The following VTI1A variants were observed in gnomAD, a reference collection of about 807,000 sequenced individuals.
VTI1A encodes the protein vesicle transport through interaction with t-SNAREs 1A, also known as vesicle transport through interaction with t-SNAREs homolog 1A.
Under a neutral mutation model 34.9 loss-of-function variants are expected in VTI1A, and 22 were observed. That is an observed-to-expected ratio of 0.63 (90% CI 0.45 to 0.90). The LOEUF is 0.90. VTI1A is among the 40% of genes least tolerant of loss of function. The pLI, the probability that VTI1A is intolerant of heterozygous loss-of-function variation, is 0.00. For missense variants in VTI1A, 268 were observed against 275.6 expected (o/e 0.97, Z 0.20); for synonymous variants, 87 against 97.3 (o/e 0.89, Z 0.62).
At chr10:112,725,750 A>G (rs1395368919) in intron 7 of VTI1A, among the ~76,000 whole-genome samples, 1 of 152,238 alleles carries the variant, frequency 6.6e-6, no homozygotes, top group Non-Finnish European at 1.5e-5. Flanking sequence ...TTTTCAGATT[A>G]TTGAATGGCA....
rs76014282 is a variant in VTI1A at position 112,729,296 on chromosome 10, G to T, written c.560+60298G>T. Among the ~76,000 whole-genome samples, 1,050 of 152,248 alleles carry T rather than the reference G, an allele frequency of 6.9e-3. 11 individuals carry two copies. The highest frequency in any genetic ancestry group is 0.024 in the African/African-American group (1,015 of 41,550). ...TGTTGATAGCAGCAGAGACCAAAAA[G>T]AATGCAAACAGACCTGAACATTTTA... is the stretch of plus-strand genomic sequence containing the variant. On this transcript the variant is annotated intron_variant, in intron 7 of 7. Coordinates refer to ENST00000393077, the MANE Select transcript of VTI1A (RefSeq NM_145206.4).
chr10:112,531,033 T>A (rs1850403874), intron 4 of VTI1A, among the ~76,000 whole-genome samples: 1 of 148,964 alleles, frequency 6.7e-6, no homozygotes, highest in Non-Finnish European at 1.5e-5. Flanking sequence ...TTAAAAAAAA[T>A]TCGGTAGTTC....
intron 7 of VTI1A, among the ~76,000 whole-genome samples, chr10:112,705,489 G>T (rs1849162986): frequency 6.6e-6 from 1 of 151,890 alleles, no homozygotes; most frequent in South Asian, 2.1e-4. Flanking sequence ...AGAACCAAAG[G>T]CACGCCCCTC....
intron 7 of VTI1A, among the ~76,000 whole-genome samples, chr10:112,711,525 G>A (rs974222720): frequency 1.3e-5 from 2 of 152,006 alleles, no homozygotes; most frequent in Admixed American, 6.6e-5. Context: ...TCCCACATGC[G>A]CTGTCCCCGG....
intron 7 of VTI1A, among the ~76,000 whole-genome samples, chr10:112,697,740 C>T (rs927277647): frequency 6.6e-6 from 1 of 152,082 alleles, no homozygotes; most frequent in African/African-American, 2.4e-5. Flanking sequence ...ATATCCATTA[C>T]CAGCAGAGAA....
chr10:112,848,501 C>G, the VTI1A span, among the ~76,000 whole-genome samples: 8 of 152,140 alleles, frequency 5.3e-5, no homozygotes, highest in Non-Finnish European at 1.2e-4. Context: ...AGAGAGACTT[C>G]CAGCAAATGG....
intron 7 of VTI1A, among the ~76,000 whole-genome samples, chr10:112,690,524 T>C (rs916993781): frequency 2.0e-5 from 3 of 152,196 alleles, no homozygotes; most frequent in South Asian, 4.1e-4. Flanking sequence ...CTGTAACCTG[T>C]AGGTTTGTGA....
At chr10:112,830,849 A>ATATATATATTTTTTT in the VTI1A span, among the ~76,000 whole-genome samples, 9 of 33,496 alleles carry the variant, frequency 2.7e-4, 1 homozygote, top group African/African-American at 1.0e-3. Context: ...ATATATATAT[A>ATATATATATTTTTTT]TTTTTTTTTT....
chr10:112,468,278 A>G (rs151244080), intron 3 of VTI1A, among the ~76,000 whole-genome samples: 2 of 152,304 alleles, frequency 1.3e-5, no homozygotes, highest in Non-Finnish European at 1.5e-5. Context: ...ACCATCTCAC[A>G]TGGTATATTT....
intron 5 of VTI1A, among the ~76,000 whole-genome samples, chr10:112,636,908 T>C (rs1173038154): frequency 6.6e-6 from 1 of 152,066 alleles, no homozygotes. Flanking sequence ...AAAACAGTCA[T>C]TAAGATTCAT....
intron 5 of VTI1A, among the ~76,000 whole-genome samples, chr10:112,632,201 T>G (rs1846154438): frequency 6.6e-6 from 1 of 152,136 alleles, no homozygotes; most frequent in South Asian, 2.1e-4. Context: ...GCGTAGTCTT[T>G]TACAACACTC....
At chr10:112,474,555 A>G (rs565390839) in intron 3 of VTI1A, among the ~76,000 whole-genome samples, 1 of 151,794 alleles carries the variant, frequency 6.6e-6, no homozygotes, top group African/African-American at 2.4e-5. Context: ...TCCTAGGCTC[A>G]AGTGATCTTC....
chr10:112,527,396 CTCTTT>C, intron 4 of VTI1A: 1 of 357,036 alleles, frequency 2.8e-6, no homozygotes, highest in Non-Finnish European at 5.0e-6. Context: ...ATCTTTTCTT[CTCTTT>C]TCTTTATTAT....
At chr10:112,620,188 G>A (rs1216136444) in intron 5 of VTI1A, among the ~76,000 whole-genome samples, 1 of 152,050 alleles carries the variant, frequency 6.6e-6, no homozygotes, top group Non-Finnish European at 1.5e-5. Flanking sequence ...CTTATTGTTG[G>A]ACCGTAAATC....
intron 7 of VTI1A, among the ~76,000 whole-genome samples, chr10:112,688,527 T>C (rs1192169293): frequency 1.3e-5 from 2 of 149,548 alleles, no homozygotes; most frequent in African/African-American, 4.9e-5. Flanking sequence ...TTTTCTTTTT[T>C]TTTTTTTTTT....
intron 3 of VTI1A, among the ~76,000 whole-genome samples, chr10:112,465,666 T>C (rs1485298151): frequency 6.6e-6 from 1 of 152,150 alleles, no homozygotes; most frequent in East Asian, 1.9e-4. Context: ...GTCAGATTCA[T>C]AGAAACAGAA....
intron 7 of VTI1A, among the ~76,000 whole-genome samples, chr10:112,787,428 C>T (rs1852320170): frequency 6.6e-6 from 1 of 151,908 alleles, no homozygotes; most frequent in Admixed American, 6.6e-5. Context: ...CTTTTTATTG[C>T]TTGTGTTGGG....
Position 112,538,346 on chromosome 10 carries a change from G to A in VTI1A, c.427+16G>A, listed in dbSNP as rs763112534. The A allele has an allele frequency of 1.2e-6, 2 of 1,611,466 alleles. No individual in the cohort carries two copies. The highest frequency in any genetic ancestry group is 1.7e-6 in the Non-Finnish European group (2 of 1,177,856). On this transcript the variant is annotated intron_variant, in intron 5 of 7. Transcript: ENST00000393077. The stretch of plus-strand genomic sequence containing the variant: ...GTGGAAACCGGTAAGAATTCTGAGA[G>A]TGAGCAAATTGTCTTGCTTATGCAC...
chr10:112,752,624 A>G (rs951777426), intron 7 of VTI1A: 13 of 974,312 alleles, frequency 1.3e-5, no homozygotes, highest in Non-Finnish European at 1.5e-5. Flanking sequence ...CAGGGTTTTT[A>G]TAAGGCCCAT....
Sources: gnomAD v4.1 joint callset for allele counts (sites outside exome capture counted in the v4.1 genomes callset) on GRCh38, gnomAD v4.1.1 for gene constraint, MANE v1.5 for transcripts, NCBI Gene and HGNC (gene_info 2026-07-23, HGNC 2026-07-21) for gene names.